The following SYNE2 variants were observed in gnomAD, a reference collection of about 807,000 sequenced individuals.
The protein encoded by SYNE2 is spectrin repeat containing nuclear envelope protein 2.
Under a neutral mutation model 856.3 loss-of-function variants are expected in SYNE2, and 431 were observed. That is an observed-to-expected ratio of 0.50 (90% CI 0.47 to 0.55). The LOEUF (loss-of-function observed/expected upper bound fraction) is 0.55, where lower values mean the gene tolerates loss of function less well. Among genes scored for constraint, SYNE2 ranks in the 20% least tolerant of loss-of-function variants. SYNE2 has a pLI of 0.00. For synonymous variants in SYNE2, 2,923 were observed against 2,872.3 expected, an observed-to-expected ratio of 1.02 and a Z score of -0.56; for missense variants, 8,129 against 8,023.2, an observed-to-expected ratio of 1.01 and a Z score of -0.50.
Position 63,998,914 on chromosome 14 carries a change from G to A in SYNE2, c.3354G>A (p.Arg1118=), listed in dbSNP as rs572810840. ...TGATGTTGCATTTCATTTTGCCCAGGTATGATACATACAGAGATATTCTTG... is the reference window on the plus strand; with the variant it reads ...TGATGTTGCATTTCATTTTGCCCAGATATGATACATACAGAGATATTCTTG... The part of the protein sequence containing the change: ...YSASINSLLE[R]YDTYRDILEH... The change falls in exon 27 of 116, where the codon AGG becomes AGA. Residue 1118 remains arginine, a splice_region_variant and synonymous_variant. Coordinates refer to ENST00000555002, the MANE Select transcript of SYNE2 (RefSeq NM_182914.3). The A allele has an allele frequency of 6.2e-7, 1 of 1,613,806 alleles. No individual in the cohort carries two copies. The highest frequency in any genetic ancestry group is 1.3e-5 in the African/African-American group (1 of 74,988).
intron 93 of SYNE2, 98 bp from the exon 94 acceptor site, chr14:64,170,130 G>C (rs1362466636): frequency 8.7e-7 from 1 of 1,148,544 alleles, no homozygotes. Context: ...CATGTAAATT[G>C]TACTTATAAA....
chr14:63,792,834 C>G lies in SYNE2; in HGVS notation c.-305+30848C>G, dbSNP rs1317415475. Among the ~76,000 whole-genome samples the G allele has an allele frequency of 5.3e-5, 8 of 151,900 alleles. 1 individual carries two copies. Among genetic ancestry groups the G allele is most frequent in the Admixed American group, 3.9e-4 (6 of 15,226 alleles). On this transcript the variant is annotated intron_variant, in intron 1 of 23. Transcript: ENST00000674003. Reference sequence around the variant, plus strand: ...AGCTAGGACTACAAGTGCGTGCTACCATGCCCAGATAATTTTTTATTTTTT... The same window carrying G: ...AGCTAGGACTACAAGTGCGTGCTACGATGCCCAGATAATTTTTTATTTTTT...
At position 63,901,406 on chromosome 14, in the gene SYNE2, G is replaced by A. The variant is rs137983930; in HGVS notation, c.-51-7692G>A. On this transcript the variant is annotated intron_variant, in intron 1 of 115. Coordinates refer to ENST00000555002, the MANE Select transcript of SYNE2 (RefSeq NM_182914.3). ...TAAAAGCCAAATTGTTATTTCAGTA[G>A]AAATATGCATCTGTCATTTAAAATT... Among the ~76,000 whole-genome samples, 4 of 152,096 alleles carry A rather than the reference G, an allele frequency of 2.6e-5. No homozygotes were observed. In the East Asian group the frequency reaches 7.7e-4, roughly 29 times the overall value.
intron 111 of SYNE2, 102 bp downstream of exon 111, chr14:64,220,739 A>G (rs1204134294): frequency 3.2e-5 from 43 of 1,346,336 alleles, no homozygotes; most frequent in Non-Finnish European, 1.3e-5. Flanking sequence ...CGTGCAGCCA[A>G]ATGTGGCTGG....
rs768857105 is a variant in SYNE2 at position 64,125,126 on chromosome 14, T to C, written c.13470T>C (p.Phe4490=). The stretch of plus-strand genomic sequence containing the variant: ...TACCCAGCGTGACTATGTATAACTT[T>C]AGATACCCAACAACTGAAGAACTGA... ...GILPSVTMYN[F]RYPTTEELKT... is the part of the protein sequence containing the mutation. The change falls in exon 71 of 116, where the codon TTT becomes TTC. Residue 4490 remains phenylalanine (F), a synonymous_variant. Transcript: ENST00000555002. 5.0e-6 allele frequency: 8 copies of C among 1,614,098 alleles called. No individual in the cohort carries two copies. The highest frequency in any genetic ancestry group is 2.2e-5 in the East Asian group (1 of 44,890).
intron 1 of SYNE2, among the ~76,000 whole-genome samples, chr14:63,826,926 T>G (rs1889451745): frequency 6.6e-6 from 1 of 152,016 alleles, no homozygotes; most frequent in Non-Finnish European, 1.5e-5. Context: ...CCCACTTGAG[T>G]GGGAGAAAAT....
Position 64,093,367 on chromosome 14 carries a change from A to G in SYNE2, c.11995A>G (p.Asn3999Asp). The G allele has an allele frequency of 6.2e-7, 1 of 1,614,074 alleles. No homozygotes were observed. Among genetic ancestry groups the G allele is most frequent in the Non-Finnish European group, 8.5e-7 (1 of 1,179,906 alleles). The change falls in exon 61 of 116, where the codon AAT (asparagine) becomes GAT (aspartate). Residue 3999 changes from asparagine (N) to aspartate (D), a missense_variant. Transcript: ENST00000555002. ...TTTATAGGTAGTCATAAAACAGACC[A>G]ATGAATGGGATGAAGAAATAGAAAA... ...ELLKVVIKQT[N>D]EWDEEIENLK...
chr14:63,948,806 A>ATGTGTGTG (rs1566885132), intron 6 of SYNE2, among the ~76,000 whole-genome samples: 2 of 102,764 alleles, frequency 1.9e-5, no homozygotes, highest in South Asian at 6.9e-4. Flanking sequence ...ATATATATAT[A>ATGTGTGTG]TATATATATA....
chr14:64,049,918 C>T (rs761547753), intron 47 of SYNE2, 42 bp downstream of exon 47: 10 of 1,609,062 alleles, frequency 6.2e-6, no homozygotes, highest in Non-Finnish European at 8.5e-6. Flanking sequence ...TTTATTCAAG[C>T]ACAACCATCT....
At position 63,808,323 on chromosome 14, in the gene SYNE2, T is replaced by C. The variant is rs373029204; in HGVS notation, c.-304-44178T>C. Among the ~76,000 whole-genome samples, 22 of 151,890 alleles carry C rather than the reference T, an allele frequency of 1.4e-4. No individual in the cohort carries two copies. The East Asian group carries it at 4.3e-3, about 30-fold the overall frequency. ...GACCAACATGGTGAAACCCTGTCTCTACTAAAAATACAAAAATTTGCTGGG... is the reference window on the plus strand; with the variant it reads ...GACCAACATGGTGAAACCCTGTCTCCACTAAAAATACAAAAATTTGCTGGG... On this transcript the variant is annotated intron_variant, in intron 1 of 23. Transcript: ENST00000674003.
intron 1 of SYNE2, chr14:63,864,261 TAA>T (rs1894603086): frequency 6.6e-6 from 1 of 152,244 alleles, no homozygotes; most frequent in Non-Finnish European, 1.5e-5. Context: ...TAAAAGAAAA[TAA>T]GTTACCTTTG....
chr14:63,909,285 C>T (rs1281583232), intron 2 of SYNE2, 58 bp downstream of exon 2: 1 of 1,189,654 alleles, frequency 8.4e-7, no homozygotes, highest in Non-Finnish European at 1.3e-6. Context: ...TTACTTTTAT[C>T]TAGTTGCAAG....
chr14:64,220,755 G>A, intron 111 of SYNE2, 118 bp downstream of exon 111: 1 of 1,187,718 alleles, frequency 8.4e-7, no homozygotes, highest in African/African-American at 1.5e-5. Flanking sequence ...GCTGGTGTCA[G>A]GAAACATGTG....
At chr14:63,807,839 AT>A (rs2139816443) in intron 1 of SYNE2, among the ~76,000 whole-genome samples, 1 of 94,794 alleles carries the variant, frequency 1.1e-5, no homozygotes, top group South Asian at 4.2e-4. Flanking sequence ...ATATATATAT[AT>A]ATATATATAT....
rs145874555 is a variant in SYNE2 at position 64,098,819 on chromosome 14, G to A, written c.12379G>A (p.Asp4127Asn). The A allele has an allele frequency of 1.7e-4, 279 of 1,613,914 alleles. No homozygotes were observed. Among genetic ancestry groups the A allele is most frequent in the Non-Finnish European group, 2.1e-4 (248 of 1,179,924 alleles). The change falls in exon 63 of 116, where the codon GAT becomes AAT. Residue 4127 changes from aspartate to asparagine, a missense_variant and splice_region_variant. Physicochemically the swap from Asp to Asn is conservative, Grantham distance 23. This residue lies in a region of SYNE2 where 5,410 missense variants were observed against 5,284.8 expected (regional missense o/e 1.02). Coordinates refer to ENST00000555002, the MANE Select transcript of SYNE2 (RefSeq NM_182914.3). ...EEVEESSVKS[D>N]NGDEKAEPSP... is the part of the protein sequence containing the mutation. ...GGTGGAAGAAAGTTCCGTGAAGAGC[G>A]ATGTAAGGGAAATGATTTTCTTGTT...
intron 1 of SYNE2, among the ~76,000 whole-genome samples, chr14:63,903,058 T>G (rs1338630081): frequency 6.6e-6 from 1 of 152,178 alleles, no homozygotes; most frequent in Non-Finnish European, 1.5e-5. Flanking sequence ...TTGGAACTTT[T>G]CTTTTCTACT....
At chr14:63,960,859 A>C in intron 8 of SYNE2, 1 of 688,958 alleles carries the variant, frequency 1.5e-6, no homozygotes. Flanking sequence ...AGACTGGACA[A>C]CATAGAGAGA....
At position 64,130,128 on chromosome 14, in the gene SYNE2, A is replaced by G. The variant is rs1164587605; in HGVS notation, c.14220A>G (p.Gln4740=). The change falls in exon 76 of 116, where the codon CAA becomes CAG. Residue 4740 remains glutamine (Q), a synonymous_variant. Transcript: ENST00000555002. ...GCCCTTTCGTCACTGAGAGCCAGCAAGATGCTTTGTTGCAAGGCATGGTGG... is the reference window on the plus strand; with the variant it reads ...GCCCTTTCGTCACTGAGAGCCAGCAGGATGCTTTGTTGCAAGGCATGGTGG... ...LSSPFVTESQ[Q]DALLQGMVEL... The G allele has an allele frequency of 2.5e-6, 4 of 1,614,074 alleles. No individual in the cohort carries two copies. Among genetic ancestry groups the G allele is most frequent in the East Asian group, 2.2e-5 (1 of 44,896 alleles).
intron 94 of SYNE2, 45 bp downstream of exon 94, chr14:64,170,507 T>A: frequency 6.5e-7 from 1 of 1,533,196 alleles, no homozygotes; most frequent in African/African-American, 1.4e-5. Flanking sequence ...GGGTGGTCAT[T>A]GTTTGCAAGA....
Sources: gnomAD v4.1 joint callset for allele counts (sites outside exome capture counted in the v4.1 genomes callset) on GRCh38, gnomAD v4.1.1 for gene constraint, gnomAD v4.1.1 regional missense constraint, MANE v1.5 for transcripts, NCBI Gene and HGNC (gene_info 2026-07-23, HGNC 2026-07-21) for gene names.